Variants in RBM19 observed in about 807,000 individuals in gnomAD.
The protein encoded by RBM19 is probable RNA-binding protein 19.
RBM19 carries 94 observed loss-of-function variants against 116.8 expected under a neutral mutation model. The ratio of observed to expected loss-of-function variants is 0.80; its 90% CI spans 0.68 to 0.95. The LOEUF is 0.95. Among genes scored for constraint, RBM19 ranks in the 40% least tolerant of loss-of-function variants. RBM19 has a pLI of 0.00. For synonymous variants in RBM19, 475 were observed against 494.1 expected (o/e 0.96, Z 0.51); for missense variants, 1,161 against 1,220.7 (o/e 0.95, Z 0.73).
At chr12:113,901,089 A>C (rs906766013) in intron 21 of RBM19, among the ~76,000 whole-genome samples, 1 of 152,200 alleles carries the variant, frequency 6.6e-6, no homozygotes, top group African/African-American at 2.4e-5. Context: ...GTTTCCTCAC[A>C]CTGCAAACTG....
rs1870143823 is a variant in RBM19, at chr12:113,937,125, G to A, written c.1950C>T (p.Val650=). ...RHLAYSKFHH[V]PLYLEWAPVG... is the part of the protein sequence containing the mutation. ...CTGGAGCCCACTCCAGATAGAGGGGGACATGATGGAACTGCAGAGACAAGA... is the reference window on the plus strand; with the variant it reads ...CTGGAGCCCACTCCAGATAGAGGGGAACATGATGGAACTGCAGAGACAAGA... The change falls in exon 16 of 24, where the codon GTC becomes GTT. Residue 650 remains valine, a synonymous_variant. Coordinates refer to ENST00000261741, the MANE Select transcript of RBM19 (RefSeq NM_016196.4). 1.2e-6 allele frequency: 2 copies of A among 1,614,136 alleles called. No homozygotes were observed. Among genetic ancestry groups the A allele is most frequent in the Non-Finnish European group, 1.7e-6 (2 of 1,180,012 alleles).
chr12:113,855,444 C>T (rs558471101), intron 22 of RBM19, among the ~76,000 whole-genome samples: 6 of 152,354 alleles, frequency 3.9e-5, no homozygotes, highest in Non-Finnish European at 7.3e-5. Flanking sequence ...ATTGCTGGGG[C>T]AGACCTCCTG....
At chr12:113,842,909 T>G (rs538864423) in intron 23 of RBM19, among the ~76,000 whole-genome samples, 1 of 151,658 alleles carries the variant, frequency 6.6e-6, no homozygotes, top group South Asian at 2.1e-4. Flanking sequence ...ATGAACTCTG[T>G]GGGAGGTGTG....
intron 21 of RBM19, among the ~76,000 whole-genome samples, chr12:113,859,933 A>G (rs1020605166): frequency 2.0e-5 from 3 of 152,222 alleles, no homozygotes; most frequent in Non-Finnish European, 4.4e-5. Context: ...AGCTCTCGTG[A>G]AATGATATAA....
intron 23 of RBM19, among the ~76,000 whole-genome samples, chr12:113,823,702 A>G (rs1283423076): frequency 6.6e-6 from 1 of 152,114 alleles, no homozygotes; most frequent in Non-Finnish European, 1.5e-5. Context: ...CGCAGGGGAA[A>G]GGATTCCCTT....
At chr12:113,955,283 G>T in intron 6 of RBM19, 72 bp from the exon 7 acceptor site, 1 of 1,430,206 alleles carries the variant, frequency 7.0e-7, no homozygotes, top group Non-Finnish European at 9.9e-7. Context: ...TGGCACACTG[G>T]GACATTTCAG....
downstream of RBM19, among the ~76,000 whole-genome samples, chr12:113,820,925 C>T (rs1331780462): frequency 1.3e-5 from 2 of 152,168 alleles, no homozygotes; most frequent in African/African-American, 4.8e-5. Context: ...TTCTTTTGGC[C>T]ACAGGGAAGG....
chr12:113,931,675 G>A (rs961208389), intron 16 of RBM19, among the ~76,000 whole-genome samples: 1 of 151,972 alleles, frequency 6.6e-6, no homozygotes, highest in East Asian at 1.9e-4. Flanking sequence ...TCTGATGGCC[G>A]AGCCTGCCAA....
intron 21 of RBM19, among the ~76,000 whole-genome samples, chr12:113,882,219 C>G (rs1880189335): frequency 6.6e-6 from 1 of 152,154 alleles, no homozygotes; most frequent in Non-Finnish European, 1.5e-5. Flanking sequence ...AGAAAGAGAA[C>G]CCCATTCCTC....
intron 10 of RBM19, among the ~76,000 whole-genome samples, 158 bp downstream of exon 10, chr12:113,948,675 A>G (rs999958310): frequency 2.6e-5 from 4 of 152,212 alleles, no homozygotes; most frequent in Non-Finnish European, 5.9e-5. Flanking sequence ...GAATCCTCAC[A>G]GCAGCTCAGG....
intron 21 of RBM19, among the ~76,000 whole-genome samples, chr12:113,875,977 GCA>G (rs1412988451): frequency 6.6e-6 from 1 of 151,092 alleles, no homozygotes; most frequent in Non-Finnish European, 1.5e-5. Flanking sequence ...TTTTTCTGAG[GCA>G]CAGTGACTAT....
At chr12:113,854,421 T>C (rs1848230167) in intron 22 of RBM19, among the ~76,000 whole-genome samples, 3 of 152,138 alleles carry the variant, frequency 2.0e-5, no homozygotes, top group Admixed American at 2.0e-4. Flanking sequence ...GCATTCAGGA[T>C]GCAGTCCTGC....
intron 1 of RBM19, 83 bp from the exon 2 acceptor site, chr12:113,962,497 C>G (rs528427116): frequency 8.0e-6 from 11 of 1,382,848 alleles, no homozygotes; most frequent in Middle Eastern, 2.5e-4. Flanking sequence ...CCTGAGGCCA[C>G]GAGATTCTCC....
chr12:113,871,391 C>T (rs550124155), intron 21 of RBM19, among the ~76,000 whole-genome samples: 140 of 152,314 alleles, frequency 9.2e-4, no homozygotes, highest in African/African-American at 3.2e-3. Context: ...GTGGCAGGTT[C>T]CTAAAAGACT....
At chr12:113,862,697 C>T (rs1878490942) in intron 21 of RBM19, among the ~76,000 whole-genome samples, 1 of 152,052 alleles carries the variant, frequency 6.6e-6, no homozygotes, top group Admixed American at 6.5e-5. Context: ...CACAGGGCAC[C>T]CAGGAACTCC....
At chr12:113,937,205 C>T in intron 15 of RBM19, 69 bp from the exon 16 acceptor site, 1 of 1,570,398 alleles carries the variant, frequency 6.4e-7, no homozygotes, top group African/African-American at 1.4e-5. Flanking sequence ...GACTCAGTCC[C>T]ATGCAGATCA....
At chr12:113,818,232 A>AAAAC (rs1300655787), downstream of RBM19, 1 of 152,212 alleles carries the variant, frequency 6.6e-6, no homozygotes. Context: ...AAAAAAAAAA[A>AAAAC]AAAAAGAAAG....
downstream of RBM19, among the ~76,000 whole-genome samples, chr12:113,818,362 A>C (rs1874194501): frequency 6.6e-6 from 1 of 152,182 alleles, no homozygotes; most frequent in Non-Finnish European, 1.5e-5. Flanking sequence ...GTGCAGGAAG[A>C]GCCAGGTGCT....
chr12:113,915,037 G>A lies in RBM19; in HGVS notation c.2490C>T (p.Thr830=), dbSNP rs1199281827. 1 of 1,614,080 alleles carries A rather than the reference G, an allele frequency of 6.2e-7. No homozygotes were observed. Among genetic ancestry groups the A allele is most frequent in the Non-Finnish European group, 8.5e-7 (1 of 1,180,034 alleles). ...TGTTCCGCACCAGGATCTTGGAGGTGGTCTGCTTTCTGGGAACTTGTTTCT... is the reference window on the plus strand; with the variant it reads ...TGTTCCGCACCAGGATCTTGGAGGTAGTCTGCTTTCTGGGAACTTGTTTCT... ...ARKKQVPRKQ[T]TSKILVRNIP... is the part of the protein sequence containing the mutation. Residue 830 remains threonine, a synonymous_variant, in exon 21 of 24, where the codon ACC becomes ACT. Transcript: ENST00000261741.
Sources: gnomAD v4.1 joint callset for allele counts (sites outside exome capture counted in the v4.1 genomes callset) on GRCh38, gnomAD v4.1.1 for gene constraint, MANE v1.5 for transcripts, NCBI Gene and HGNC (gene_info 2026-07-23, HGNC 2026-07-21) for gene names.